MTMR3: variants seen among roughly 807,000 people sequenced by gnomAD.
The protein encoded by MTMR3 is phosphatidylinositol-3,5-bisphosphate 3-phosphatase MTMR3.
MTMR3 carries 32 observed loss-of-function variants against 132.4 expected under a neutral mutation model. That is an observed-to-expected ratio of 0.24 (90% CI 0.18 to 0.32). MTMR3 has a LOEUF of 0.32. Ranked by LOEUF, MTMR3 falls within the 10% of genes least tolerant of loss-of-function variation. The probability of loss-of-function intolerance (pLI) is 1.00; values close to 1 mark genes in which losing one functional copy is unlikely to be tolerated. For synonymous variants in MTMR3, 556 were observed against 550.3 expected (o/e 1.01, Z -0.14); for missense variants, 1,216 against 1,489.6 (o/e 0.82, Z 3.02).
Position 30,030,504 on chromosome 22 carries a change from A to G in MTMR3, c.*4703A>G. 6.6e-6 allele frequency: 1 copy of G among 152,130 alleles called. No individual in the cohort carries two copies. 9.4% of individuals were successfully genotyped at this position (152,130 alleles called of 1,614,324 possible). A position where few individuals can be genotyped will look rare whatever the true frequency, so the allele number is the denominator to read the frequency against. On this transcript the variant is annotated 3_prime_UTR_variant, in exon 20 of 20. Coordinates refer to ENST00000401950, the MANE Select transcript of MTMR3 (RefSeq NM_021090.4). ...TTGAATAAATCTGTCATTTTCACCC[A>G]CAAACAGTTGTTGAGCCCCTGGATT...
intron 1 of MTMR3, among the ~76,000 whole-genome samples, chr22:29,902,929 A>AAAGAGAT (rs1172641541): frequency 6.6e-6 from 1 of 152,190 alleles, no homozygotes; most frequent in Admixed American, 6.5e-5. Context: ...TTACCTTAGA[A>AAAGAGAT]AAGAGATTGC....
At chr22:29,907,643 G>T (rs1159561420) in intron 1 of MTMR3, among the ~76,000 whole-genome samples, 5 of 152,136 alleles carry the variant, frequency 3.3e-5, no homozygotes, top group Non-Finnish European at 7.4e-5. Flanking sequence ...TCTACTCAAA[G>T]AAAATTATCA....
intron 2 of MTMR3, among the ~76,000 whole-genome samples, chr22:29,967,910 A>G (rs934738247): frequency 4.0e-5 from 5 of 123,616 alleles, no homozygotes; most frequent in East Asian, 2.1e-4. Flanking sequence ...TAACTCCATT[A>G]TATATACTGT....
chr22:30,007,398 A>C (rs1279261746), intron 10 of MTMR3, 79 bp downstream of exon 10: 13 of 1,357,856 alleles, frequency 9.6e-6, no homozygotes, highest in Non-Finnish European at 1.3e-5. Context: ...CTTCCTTACA[A>C]GACATAGATT....
chr22:29,919,707 T>C (rs2145766056), intron 1 of MTMR3, among the ~76,000 whole-genome samples: 1 of 152,166 alleles, frequency 6.6e-6, no homozygotes, highest in South Asian at 2.1e-4. Flanking sequence ...AAAAAAAGTT[T>C]TGTAGAGATG....
At chr22:29,977,045 C>T (rs558489512) in intron 3 of MTMR3, among the ~76,000 whole-genome samples, 79 of 152,058 alleles carry the variant, frequency 5.2e-4, no homozygotes, top group Non-Finnish European at 8.4e-4. Flanking sequence ...AATCCCAGAA[C>T]TTTGGGAGGC....
chr22:30,023,871 C>T, intron 19 of MTMR3: 2 of 183,458 alleles, frequency 1.1e-5, no homozygotes, highest in Non-Finnish European at 1.0e-5. Flanking sequence ...CTTCTTTTTT[C>T]CCTTTTTTTT....
At chr22:29,961,168 C>T (rs771157176) in intron 2 of MTMR3, among the ~76,000 whole-genome samples, 10 of 151,624 alleles carry the variant, frequency 6.6e-5, no homozygotes, top group African/African-American at 2.2e-4. Context: ...CAATAATAAC[C>T]CCTCTGCAAC....
intron 1 of MTMR3, among the ~76,000 whole-genome samples, chr22:29,937,949 A>G (rs974532417): frequency 3.3e-5 from 5 of 152,152 alleles, no homozygotes; most frequent in Admixed American, 3.3e-4. Context: ...AGAAAATTCC[A>G]GGCAGCAATT....
At chr22:29,938,083 C>T (rs188901169) in intron 1 of MTMR3, among the ~76,000 whole-genome samples, 2 of 152,274 alleles carry the variant, frequency 1.3e-5, no homozygotes, top group Admixed American at 1.3e-4. Flanking sequence ...CTGGATTTGA[C>T]CTAGGTTTCA....
intron 1 of MTMR3, among the ~76,000 whole-genome samples, chr22:29,940,046 T>G (rs1486011313): frequency 6.6e-6 from 1 of 152,156 alleles, no homozygotes; most frequent in African/African-American, 2.4e-5. Flanking sequence ...GGTGGGCAGA[T>G]CACGAGGTCA....
intron 1 of MTMR3, among the ~76,000 whole-genome samples, chr22:29,945,835 A>C (rs1418413596): frequency 6.6e-6 from 1 of 152,164 alleles, no homozygotes; most frequent in Non-Finnish European, 1.5e-5. Flanking sequence ...AAATTTATGG[A>C]TGAAAAAATT....
At chr22:30,024,718 A>C (rs564162723) in intron 19 of MTMR3, 3 of 152,290 alleles carry the variant, frequency 2.0e-5, no homozygotes, top group African/African-American at 7.2e-5. Context: ...TAGGCTCATT[A>C]GGATTGATTT....
At chr22:29,930,988 C>CA (rs1169203289) in intron 1 of MTMR3, among the ~76,000 whole-genome samples, 1 of 137,286 alleles carries the variant, frequency 7.3e-6, no homozygotes, top group African/African-American at 2.7e-5. Flanking sequence ...GCCTGGGCAT[C>CA]AGAGTGTGAG....
At chr22:29,971,177 C>G in intron 3 of MTMR3, 115 bp downstream of exon 3, 1 of 1,055,036 alleles carries the variant, frequency 9.5e-7, no homozygotes. Flanking sequence ...GAAATTATTT[C>G]TTTTTCTTTC....
At chr22:29,889,590 A>C (rs1001052729) in intron 1 of MTMR3, among the ~76,000 whole-genome samples, 1 of 151,492 alleles carries the variant, frequency 6.6e-6, no homozygotes, top group African/African-American at 2.4e-5. Context: ...CCTGGCCCAG[A>C]ACGGTTTTAG....
chr22:30,030,638 C>CTG lies in MTMR3; in HGVS notation c.*4837_*4838insTG, dbSNP rs777494343. 247 of 50,498 alleles carry CTG rather than the reference C, an allele frequency of 4.9e-3. 2 individuals are homozygous for CTG. Among genetic ancestry groups the CTG allele is most frequent in the African/African-American group, 0.018 (240 of 13,122 alleles). 3.1% of individuals were successfully genotyped at this position (50,498 alleles called of 1,614,324 possible). On this transcript the variant is annotated 3_prime_UTR_variant, in exon 20 of 20. Transcript: ENST00000401950. ...AGAGGGGCTCTCAGCGAGGAGGGGGCGGGGGGGGGGTCACTATTTATCTTC... is the reference window on the plus strand; with the variant it reads ...AGAGGGGCTCTCAGCGAGGAGGGGGCTGGGGGGGGGGGTCACTATTTATCTTC...
At chr22:29,928,164 T>G (rs1039130695) in intron 1 of MTMR3, among the ~76,000 whole-genome samples, 27 of 124,968 alleles carry the variant, frequency 2.2e-4, no homozygotes, top group African/African-American at 8.3e-4. Context: ...CACTACATTT[T>G]TTTTTTCTTT....
At chr22:29,926,706 A>G (rs1395660263) in intron 1 of MTMR3, among the ~76,000 whole-genome samples, 2 of 152,062 alleles carry the variant, frequency 1.3e-5, no homozygotes, top group African/African-American at 2.4e-5. Context: ...ATGTTTATTT[A>G]GATTCTTTGC....
Sources: allele counts gnomAD v4.1 joint callset (sites outside exome capture counted in the v4.1 genomes callset), GRCh38; gene constraint gnomAD v4.1.1; transcripts MANE v1.5; gene names NCBI Gene and HGNC (gene_info 2026-07-23, HGNC 2026-07-21).